Variants in MS4A15 observed in about 807,000 individuals in gnomAD.
MS4A15 encodes membrane-spanning 4-domains subfamily A member 15.
A neutral mutation model predicts 20.6 loss-of-function variants in MS4A15; 22 were observed. That is an observed-to-expected ratio of 1.07 (90% confidence interval 0.76 to 1.52). The LOEUF is 1.52. Ranked by LOEUF, MS4A15 falls within the 40% of genes most tolerant of loss-of-function variation. MS4A15 has a pLI of 0.00. For synonymous variants in MS4A15, 129 were observed against 129.3 expected, an observed-to-expected ratio of 1.00 and a Z score of 0.02; for missense variants, 312 against 323.0, an observed-to-expected ratio of 0.97 and a Z score of 0.26.
At chr11:60,763,662 A>G in intron 1 of MS4A15, 44 bp from the exon 2 acceptor site, 1 of 1,536,274 alleles carries the variant, frequency 6.5e-7, no homozygotes, top group Non-Finnish European at 9.0e-7. Flanking sequence ...AAAAAGCTTT[A>G]TGCACATGGG....
At position 60,763,887 on chromosome 11, in the gene MS4A15, C is replaced by T. The variant is rs757031115; in HGVS notation, c.154C>T (p.Pro52Ser). 44 of 1,612,980 alleles carry T rather than the reference C, an allele frequency of 2.7e-5. No homozygotes were observed. The highest frequency in any genetic ancestry group is 3.6e-5 in the Non-Finnish European group (43 of 1,179,896). The change falls in exon 2 of 7, where the codon CCA (proline) becomes TCA (serine). Residue 52 changes from proline to serine, a missense_variant. By Grantham distance (74) the Pro-to-Ser change is moderately conservative. Coordinates refer to ENST00000405633, the MANE Select transcript of MS4A15 (RefSeq NM_001098835.2). ...GGAGCCACCGCTGGGGGCACAGACA[C>T]CAAGGGCCACACAGCCACCTGACTT... Reference protein sequence around the residue: ...FEEPPLGAQTPRATQPPDLRP... With the variant: ...FEEPPLGAQTSRATQPPDLRP...
At chr11:60,774,846 G>T (rs1014321239) in intron 6 of MS4A15, among the ~76,000 whole-genome samples, 2 of 152,222 alleles carry the variant, frequency 1.3e-5, no homozygotes, top group African/African-American at 2.4e-5. Context: ...GGGATTGAAG[G>T]TCTGAGCAGG....
chr11:60,763,075 G>A (rs111485867), intron 1 of MS4A15, among the ~76,000 whole-genome samples: 5 of 152,114 alleles, frequency 3.3e-5, no homozygotes, highest in Non-Finnish European at 4.4e-5. Context: ...CGCCACCCCC[G>A]CTCGAGGCCC....
chr11:60,760,981 A>G (rs1038304680), intron 1 of MS4A15, among the ~76,000 whole-genome samples: 2 of 152,220 alleles, frequency 1.3e-5, no homozygotes, highest in African/African-American at 4.8e-5. Flanking sequence ...CTTCTGAGAA[A>G]GTAAGACGAC....
At chr11:60,772,744 C>G (rs1033585116) in intron 4 of MS4A15, among the ~76,000 whole-genome samples, 1 of 152,140 alleles carries the variant, frequency 6.6e-6, no homozygotes, top group Non-Finnish European at 1.5e-5. Context: ...TCGGGCTGCA[C>G]GGGGATGGTG....
intron 4 of MS4A15, 57 bp downstream of exon 4, chr11:60,771,404 C>T: frequency 6.2e-7 from 1 of 1,606,230 alleles, no homozygotes; most frequent in Non-Finnish European, 8.5e-7. Flanking sequence ...AAATCTCACT[C>T]TACCCTGCCC....
chr11:60,767,247 AG>A (rs1230799922), intron 2 of MS4A15, among the ~76,000 whole-genome samples: 2 of 152,222 alleles, frequency 1.3e-5, no homozygotes, highest in Non-Finnish European at 2.9e-5. Context: ...AAAGCCAGGT[AG>A]GGACACAGCG....
intron 1 of MS4A15, among the ~76,000 whole-genome samples, chr11:60,761,486 C>T (rs1057251916): frequency 5.3e-5 from 8 of 152,272 alleles, no homozygotes; most frequent in Non-Finnish European, 7.3e-5. Flanking sequence ...AGACAGCCTG[C>T]GCCATGTCAA....
rs532620701 is a variant in MS4A15, at chr11:60,771,319, C to T, written c.377C>T (p.Ala126Val). ...CFIISGSLSVAAEKNHTSCLV... is the reference protein window; with the variant it reads ...CFIISGSLSVVAEKNHTSCLV... Reference sequence around the variant, plus strand: ...ATCATCTCCGGATCCCTCTCAGTGGCAGCCGAGAAGAACCACACCAGTTGC... The same window carrying T: ...ATCATCTCCGGATCCCTCTCAGTGGTAGCCGAGAAGAACCACACCAGTTGC... Residue 126 changes from alanine to valine, a missense_variant, in exon 4 of 7, where the codon GCA (alanine) becomes GTA (valine). By Grantham distance (64) the Ala-to-Val change is moderately conservative (BLOSUM62 0). Transcript: ENST00000405633. The T allele has an allele frequency of 1.1e-5, 17 of 1,614,146 alleles. No homozygotes were observed. In the East Asian group the frequency reaches 3.3e-4, roughly 32 times the overall value.
intron 4 of MS4A15, 63 bp from the exon 5 acceptor site, chr11:60,773,329 G>T: frequency 7.0e-7 from 1 of 1,425,974 alleles, no homozygotes. Flanking sequence ...CTGAGCCACA[G>T]CCCCTGCCTT....
At position 60,773,382 on chromosome 11, in the gene MS4A15, C is replaced by T. The variant is rs768507781; in HGVS notation, c.406-10C>T. On this transcript the variant is annotated splice_polypyrimidine_tract_variant and intron_variant, in intron 4 of 6. Transcript: ENST00000405633. ...TATTCCCTCTGCTCCTGTCTCTCTGCTCTCTGCAGGTGAGGAGCAGCCTGG... is the reference window on the plus strand; with the variant it reads ...TATTCCCTCTGCTCCTGTCTCTCTGTTCTCTGCAGGTGAGGAGCAGCCTGG... 3.7e-6 allele frequency: 6 copies of T among 1,609,188 alleles called. No homozygotes were observed. In the South Asian group the frequency reaches 6.6e-5, roughly 18 times the overall value.
intron 2 of MS4A15, among the ~76,000 whole-genome samples, chr11:60,766,112 G>A (rs532526298): frequency 1.3e-5 from 2 of 152,322 alleles, no homozygotes; most frequent in Non-Finnish European, 2.9e-5. Context: ...CAGGCGCAGT[G>A]GCCCACGCCT....
At chr11:60,771,694 G>C (rs1351684887) in intron 4 of MS4A15, 4 of 1,335,124 alleles carry the variant, frequency 3.0e-6, no homozygotes, top group Non-Finnish European at 2.9e-6. Context: ...GCTGGAGAAT[G>C]CACGGAGGAG....
At chr11:60,773,275 C>A in intron 4 of MS4A15, 117 bp from the exon 5 acceptor site, 1 of 730,604 alleles carries the variant, frequency 1.4e-6, no homozygotes, top group Non-Finnish European at 2.3e-6. Flanking sequence ...GGTGTGGCCA[C>A]TGCCTCCTTG....
chr11:60,775,627 C>T lies in MS4A15; in HGVS notation c.635C>T (p.Ala212Val), dbSNP rs1332160516. Residue 212 changes from alanine (A) to valine (V), a missense_variant, in exon 7 of 7, where the codon GCC (alanine) becomes GTC (valine). By Grantham distance (64) the Ala-to-Val change is moderately conservative (BLOSUM62 0). Coordinates refer to ENST00000405633, the MANE Select transcript of MS4A15 (RefSeq NM_001098835.2). Reference protein sequence around the residue: ...ASAPVIFLPNAFSADFNIPSP... With the variant: ...ASAPVIFLPNVFSADFNIPSP... ...CAGCCTGTGATCTTCCTGCCAAACG[C>T]CTTCAGCGCAGACTTCAACATCCCC... 8.7e-6 allele frequency: 14 copies of T among 1,613,992 alleles called. No homozygotes were observed. Among genetic ancestry groups the T allele is most frequent in the Non-Finnish European group, 1.2e-5 (14 of 1,179,930 alleles).
In MS4A15 at chr11:60,775,561, A is replaced by C. The variant is rs1163363625; in HGVS notation, c.613-44A>C. 3 of 1,529,156 alleles carry C rather than the reference A, an allele frequency of 2.0e-6. No homozygotes were observed. In the East Asian group the frequency reaches 6.8e-5, roughly 34 times the overall value. 94.7% of individuals were successfully genotyped at this position (1,529,156 alleles called of 1,614,324 possible). A position where few individuals can be genotyped will look rare whatever the true frequency, so the allele number is the denominator to read the frequency against. On this transcript the variant is annotated intron_variant, in intron 6 of 6. Transcript: ENST00000405633. ...GGGCACTATTGAACCACTACCCTGA[A>C]GCTCCAGCGTCCTCCAGGACGCTCA...
intron 2 of MS4A15, among the ~76,000 whole-genome samples, chr11:60,767,031 G>C (rs950125415): frequency 1.3e-5 from 2 of 152,198 alleles, no homozygotes; most frequent in Non-Finnish European, 1.5e-5. Context: ...GTAGGGTGCT[G>C]GTAAACCAAC....
At chr11:60,771,228 A>T in intron 3 of MS4A15, 63 bp from the exon 4 acceptor site, 1 of 1,583,852 alleles carries the variant, frequency 6.3e-7, no homozygotes, top group Non-Finnish European at 8.6e-7. Context: ...ACAGATCCCA[A>T]GCAGGGTCTG....
chr11:60,763,759 G>A lies in MS4A15; in HGVS notation c.26G>A (p.Gly9Glu), dbSNP rs765678709. The A allele has an allele frequency of 3.1e-6, 5 of 1,612,070 alleles. No homozygotes were observed. In the South Asian group the frequency reaches 3.3e-5, roughly 11 times the overall value. ...ATGTCTGCAGCTCCCGCCAGCAATG[G>A]AGTGTTTGTTGTCATCCCGCCAAAC... MSAAPASN[G>E]VFVVIPPNNA... is the part of the protein sequence containing the mutation. The change falls in exon 2 of 7, where the codon GGA becomes GAA. Residue 9 changes from glycine to glutamate, a missense_variant. By Grantham distance (98) the Gly-to-Glu change is moderately conservative. Coordinates refer to ENST00000405633, the MANE Select transcript of MS4A15 (RefSeq NM_001098835.2).
Sources: gnomAD v4.1 joint callset for allele counts (sites outside exome capture counted in the v4.1 genomes callset) on GRCh38, gnomAD v4.1.1 for gene constraint, MANE v1.5 for transcripts, NCBI Gene and HGNC (gene_info 2026-07-23, HGNC 2026-07-21) for gene names.